The following ABCC4 variants were observed in gnomAD, a reference collection of about 807,000 sequenced individuals.
ABCC4 encodes the protein ATP-binding cassette sub-family C member 4.
In ABCC4, 102 loss-of-function variants were observed where a neutral mutation model predicts 168.5. The ratio of observed to expected loss-of-function variants is 0.61; its 90% CI spans 0.52 to 0.71. The LOEUF (loss-of-function observed/expected upper bound fraction) is 0.71. Among genes scored for constraint, ABCC4 ranks in the 30% least tolerant of loss-of-function variants. The pLI, the probability that ABCC4 is intolerant of heterozygous loss-of-function variation, is 0.00. For missense variants in ABCC4, 1,402 were observed against 1,605.8 expected (o/e 0.87, Z 2.17); for synonymous variants, 617 against 590.7 (o/e 1.04, Z -0.65).
chr13:95,250,852 C>T (rs918957764), intron 1 of ABCC4, among the ~76,000 whole-genome samples: 4 of 145,702 alleles, frequency 2.7e-5, no homozygotes, highest in Admixed American at 1.4e-4. Context: ...CACTCAGATC[C>T]GATCAGAGCT....
intron 9 of ABCC4, among the ~76,000 whole-genome samples, chr13:95,191,471 T>C (rs911569067): frequency 3.3e-5 from 5 of 152,194 alleles, no homozygotes; most frequent in Admixed American, 1.3e-4. Flanking sequence ...GCCTAACAAC[T>C]ATTTCTTTTT....
intron 19 of ABCC4, among the ~76,000 whole-genome samples, chr13:95,155,586 T>G (rs186568990): frequency 5.6e-4 from 86 of 152,308 alleles, no homozygotes; most frequent in African/African-American, 2.0e-3. Flanking sequence ...GATATGAATC[T>G]GGTTTTTTTG....
intron 15 of ABCC4, 67 bp downstream of exon 15, chr13:95,166,091 C>A (rs1594216167): frequency 1.4e-6 from 2 of 1,380,090 alleles, no homozygotes. Context: ...ACAGAGTAGA[C>A]CAAAGATCCA....
At chr13:95,262,840 G>A (rs1013848813) in intron 1 of ABCC4, among the ~76,000 whole-genome samples, 3 of 152,056 alleles carry the variant, frequency 2.0e-5, no homozygotes, top group African/African-American at 7.2e-5. Context: ...TCACCATGTT[G>A]GCCAGGCTGG....
At chr13:95,276,696 T>C (rs1040556809) in intron 1 of ABCC4, among the ~76,000 whole-genome samples, 1 of 152,062 alleles carries the variant, frequency 6.6e-6, no homozygotes, top group Admixed American at 6.6e-5. Flanking sequence ...AACCACAGCA[T>C]ATAGAGATGC....
intron 20 of ABCC4, among the ~76,000 whole-genome samples, chr13:95,110,646 T>C (rs1312178417): frequency 6.6e-6 from 1 of 152,170 alleles, no homozygotes; most frequent in African/African-American, 2.4e-5. Context: ...TTCATGATGC[T>C]GGCATTGGTG....
chr13:95,295,729 C>T (rs2041513258), intron 1 of ABCC4, among the ~76,000 whole-genome samples: 1 of 151,912 alleles, frequency 6.6e-6, no homozygotes, highest in Non-Finnish European at 1.5e-5. Flanking sequence ...CTTTGGGAGG[C>T]CAAGGAGGGC....
rs1310249311 is a variant in ABCC4, at chr13:95,071,749, T to C, written c.3123A>G (p.Ile1041Met). Residue 1041 changes from isoleucine (I) to methionine (M), a missense_variant, in exon 25 of 31, where the codon ATA becomes ATG. Ile to Met is a conservative substitution (Grantham distance 10). Transcript: ENST00000645237. ...ACATGAAGTTCACATTGTCAAAGAT[T>C]ATCACTCCTTCATGGGGCCAGGCTG... is the stretch of plus-strand genomic sequence containing the variant. The part of the protein sequence containing the change: ...PPPAWPHEGV[I>M]IFDNVNFMYS... 6.2e-7 allele frequency: 1 copy of C among 1,607,186 alleles called. No homozygotes were observed. Among genetic ancestry groups the C allele is most frequent in the Non-Finnish European group, 8.5e-7 (1 of 1,176,904 alleles).
At position 95,198,768 on chromosome 13, in the gene ABCC4, C is replaced by T. The variant is rs567499132; in HGVS notation, c.1162-3831G>A. Among the ~76,000 whole-genome samples the T allele has an allele frequency of 5.3e-5, 8 of 152,154 alleles. 1 individual carries two copies. Among genetic ancestry groups the T allele is most frequent in the East Asian group, 1.9e-4 (1 of 5,196 alleles). On this transcript the variant is annotated intron_variant, in intron 8 of 30. Coordinates refer to ENST00000645237, the MANE Select transcript of ABCC4 (RefSeq NM_005845.5). ...TGTGTCATATATACACTGTGGAATA[C>T]TATGCAGCCATAAAAAAGGATGAGT...
rs776638904 is a variant in ABCC4, at chr13:95,194,854, A to G, written c.1245T>C (p.Phe415=). 6 of 1,614,134 alleles carry G rather than the reference A, an allele frequency of 3.7e-6. No individual in the cohort carries two copies. The highest frequency in any genetic ancestry group is 4.2e-6 in the Non-Finnish European group (5 of 1,179,992). ...DGKKMVHVQD[F]TAFWDKASET... ...ATGTTACCTTATCCCAAAAAGCAGTAAAATCCTGCACATGCACCATCTTTT... is the reference window on the plus strand; with the variant it reads ...ATGTTACCTTATCCCAAAAAGCAGTGAAATCCTGCACATGCACCATCTTTT... Residue 415 remains phenylalanine, a synonymous_variant, in exon 9 of 31, where the codon TTT becomes TTC. Coordinates refer to ENST00000645237, the MANE Select transcript of ABCC4 (RefSeq NM_005845.5).
intron 8 of ABCC4, among the ~76,000 whole-genome samples, chr13:95,198,066 T>C (rs924017451): frequency 6.6e-6 from 1 of 152,060 alleles, no homozygotes; most frequent in African/African-American, 2.4e-5. Context: ...ACTTCACGAC[T>C]AAAACACCAA....
chr13:95,216,374 G>A (rs1205629012), intron 4 of ABCC4, among the ~76,000 whole-genome samples: 2 of 151,984 alleles, frequency 1.3e-5, no homozygotes, highest in African/African-American at 4.8e-5. Context: ...TCATTAACCT[G>A]ACAGGTTATA....
intron 4 of ABCC4, among the ~76,000 whole-genome samples, chr13:95,225,151 TCTCACACACACACACACACACACACA>T (rs2039426504): frequency 9.8e-5 from 3 of 30,598 alleles, no homozygotes; most frequent in Non-Finnish European, 2.5e-4. Flanking sequence ...TCTCTCTCTC[TCTCACACACACACACACACACACACA>T]CACACACACA....
At chr13:95,273,103 AT>A (rs1350110251) in intron 1 of ABCC4, among the ~76,000 whole-genome samples, 3 of 152,014 alleles carry the variant, frequency 2.0e-5, no homozygotes, top group African/African-American at 4.8e-5. Context: ...ATGGCAATTG[AT>A]TTTTTTTATC....
intron 19 of ABCC4, among the ~76,000 whole-genome samples, chr13:95,128,277 G>A (rs2035851240): frequency 6.6e-6 from 1 of 152,092 alleles, no homozygotes; most frequent in South Asian, 2.1e-4. Flanking sequence ...TCTATTTAAT[G>A]GTCAAATACT....
intron 20 of ABCC4, among the ~76,000 whole-genome samples, chr13:95,113,022 A>C (rs536715572): frequency 2.0e-5 from 3 of 152,260 alleles, no homozygotes; most frequent in African/African-American, 7.2e-5. Flanking sequence ...CGAGGCCTAA[A>C]ATTCAACTCC....
chr13:95,092,821 T>C (rs1008136629), intron 20 of ABCC4, among the ~76,000 whole-genome samples: 4 of 152,084 alleles, frequency 2.6e-5, no homozygotes, highest in South Asian at 4.1e-4. Flanking sequence ...ATAAAATTGA[T>C]AGGCCATTAG....
At chr13:95,272,573 G>T (rs1356262116) in intron 1 of ABCC4, among the ~76,000 whole-genome samples, 5 of 152,110 alleles carry the variant, frequency 3.3e-5, no homozygotes, top group Admixed American at 2.0e-4. Flanking sequence ...CAAGGCCACA[G>T]ATTGATTTTA....
At chr13:95,074,510 G>A (rs747831557) in intron 22 of ABCC4, among the ~76,000 whole-genome samples, 186 bp from the exon 23 acceptor site, 3 of 152,132 alleles carry the variant, frequency 2.0e-5, no homozygotes, top group Admixed American at 1.3e-4. Context: ...CAATGGTACC[G>A]TGGCTTTCTG....
Sources: allele counts gnomAD v4.1 joint callset (sites outside exome capture counted in the v4.1 genomes callset), GRCh38; gene constraint gnomAD v4.1.1; transcripts MANE v1.5; gene names NCBI Gene and HGNC (gene_info 2026-07-23, HGNC 2026-07-21).